CUTC: variants seen among roughly 807,000 people sequenced by gnomAD.
CUTC encodes the protein copper homeostasis protein cutC homolog.
Under a neutral mutation model 36.2 loss-of-function variants are expected in CUTC, and 27 were observed. That is an observed-to-expected ratio of 0.75 (90% confidence interval 0.55 to 1.03). The LOEUF (loss-of-function observed/expected upper bound fraction) is 1.03. Ranked by LOEUF, CUTC falls within the 50% of genes least tolerant of loss-of-function variation. The pLI is 0.00. For synonymous variants in CUTC, 114 were observed against 118.3 expected (o/e 0.96, Z 0.24); for missense variants, 315 against 343.5 (o/e 0.92, Z 0.66).
At chr10:99,754,662 A>G in intron 8 of CUTC, 28 bp downstream of exon 8, 4 of 1,486,084 alleles carry the variant, frequency 2.7e-6, no homozygotes, top group Non-Finnish European at 3.7e-6. Context: ...GATTCAAATA[A>G]GAAGGATGAG....
chr10:99,746,929 G>T (rs2037381654), intron 5 of CUTC, among the ~76,000 whole-genome samples: 1 of 152,090 alleles, frequency 6.6e-6, no homozygotes, highest in Admixed American at 6.5e-5. Context: ...ACACCACCAT[G>T]CCCAGATAAT....
intron 1 of CUTC, among the ~76,000 whole-genome samples, chr10:99,734,607 A>G (rs553731426): frequency 1.3e-5 from 2 of 152,230 alleles, no homozygotes; most frequent in Non-Finnish European, 2.9e-5. Context: ...GTGTCATTAC[A>G]TGAAGTGTGC....
chr10:99,755,983 C>A lies in CUTC; in HGVS notation c.*244C>A. The A allele has an allele frequency of 2.5e-6, 1 of 394,442 alleles. No homozygotes were observed. Among genetic ancestry groups the A allele is most frequent in the South Asian group, 7.2e-5 (1 of 13,974 alleles). The allele number at this position is 394,442 out of a possible 1,614,324, so 24.4% of individuals were successfully genotyped here. The stretch of plus-strand genomic sequence containing the variant: ...GGTTAAAGCTGGTCTGTGCTTCTTC[C>A]ATAGACAGAAGCTTAGTCTGTTTTC... On this transcript the variant is annotated 3_prime_UTR_variant, in exon 9 of 9. Transcript: ENST00000370476.
At chr10:99,742,656 T>A (rs181672955) in intron 3 of CUTC, among the ~76,000 whole-genome samples, 1 of 151,862 alleles carries the variant, frequency 6.6e-6, no homozygotes, top group East Asian at 1.9e-4. Flanking sequence ...CATAGATCTC[T>A]GCATAAAATC....
chr10:99,737,261 T>C (rs534666617), intron 2 of CUTC, among the ~76,000 whole-genome samples: 1 of 151,080 alleles, frequency 6.6e-6, no homozygotes, highest in Non-Finnish European at 1.5e-5. Context: ...CAGCCAGATC[T>C]TGTCTAAAAA....
At chr10:99,755,354 G>A (rs550505464) in intron 8 of CUTC, among the ~76,000 whole-genome samples, 2 of 137,774 alleles carry the variant, frequency 1.5e-5, no homozygotes, top group South Asian at 4.8e-4. Context: ...GCTGGGCGTG[G>A]TGATACATGC....
chr10:99,755,522 C>A, intron 8 of CUTC, 103 bp from the exon 9 acceptor site: 1 of 704,028 alleles, frequency 1.4e-6, no homozygotes, highest in Non-Finnish European at 2.5e-6. Context: ...GTCCAGCATA[C>A]TTGACCTACC....
chr10:99,754,567 G>C lies in CUTC; in HGVS notation c.640G>C (p.Glu214Gln). The C allele has an allele frequency of 6.2e-7, 1 of 1,613,762 alleles. No individual in the cohort carries two copies. Among genetic ancestry groups the C allele is most frequent in the Non-Finnish European group, 8.5e-7 (1 of 1,179,754 alleles). The change falls in exon 8 of 9, where the codon GAG (glutamate) becomes CAG (glutamine). Residue 214 changes from glutamate (E) to glutamine (Q), a missense_variant. Transcript: ENST00000370476. ...AGACAGAAATCTACAAAGGATCCTT[G>C]AGGGTTCAGGTGCTACAGAATTCCA... ...ITDRNLQRIL[E>Q]GSGATEFHCS...
At chr10:99,738,389 GGTGTGTGTGTGTGT>G (rs10693937) in intron 2 of CUTC, among the ~76,000 whole-genome samples, 3 of 142,858 alleles carry the variant, frequency 2.1e-5, no homozygotes, top group South Asian at 4.6e-4. Flanking sequence ...ACTCATACAG[GGTGTGTGTGTGTGT>G]GTGTGTGTGT....
In CUTC at chr10:99,736,303, A is replaced by G. The variant is rs758916437; in HGVS notation, c.119A>G (p.Asn40Ser). 1 of 1,613,480 alleles carries G rather than the reference A, an allele frequency of 6.2e-7. No individual in the cohort carries two copies. Among genetic ancestry groups the G allele is most frequent in the Non-Finnish European group, 8.5e-7 (1 of 1,179,460 alleles). ...VCVDSVESAV[N>S]AERGGADRIE... ...GTTGATTCAGTGGAATCAGCTGTGA[A>G]TGCAGAAAGAGGAGGTAAGAGAAAT... The change falls in exon 2 of 9, where the codon AAT becomes AGT. Residue 40 changes from asparagine (N) to serine (S), a missense_variant. Coordinates refer to ENST00000370476, the MANE Select transcript of CUTC (RefSeq NM_015960.3).
chr10:99,750,594 G>A lies in CUTC; in HGVS notation c.601+198G>A, dbSNP rs377337516. Among the ~76,000 whole-genome samples, 54 of 152,224 alleles carry A rather than the reference G, an allele frequency of 3.5e-4. 1 individual carries two copies. The highest frequency in any genetic ancestry group is 1.2e-3 in the African/African-American group (49 of 41,556). On this transcript the variant is annotated intron_variant, in intron 7 of 8. Transcript: ENST00000370476. ...AGAATTTAAAAGTTTAGATAAGAAG[G>A]AAAATATTGTAATAGGCATTAGCTC...
intron 4 of CUTC, 148 bp downstream of exon 4, chr10:99,743,510 G>T: frequency 1.4e-6 from 1 of 718,426 alleles, no homozygotes; most frequent in African/African-American, 1.8e-5. Flanking sequence ...TAGTTATTTA[G>T]ATGTTTGGGG....
chr10:99,747,444 C>T (rs2037386428), intron 6 of CUTC, 54 bp downstream of exon 6: 1 of 1,605,656 alleles, frequency 6.2e-7, no homozygotes, highest in Non-Finnish European at 8.5e-7. Context: ...TTACTCCTGA[C>T]ATTCTGCTGT....
At chr10:99,743,876 G>C (rs563861130) in intron 4 of CUTC, among the ~76,000 whole-genome samples, 161 bp from the exon 5 acceptor site, 1 of 152,258 alleles carries the variant, frequency 6.6e-6, no homozygotes, top group East Asian at 1.9e-4. Flanking sequence ...GGAAAGATAA[G>C]ACTTTTGAAT....
chr10:99,735,101 C>CAAAAAAAAAA (rs56971127), intron 1 of CUTC, among the ~76,000 whole-genome samples: 2 of 68,768 alleles, frequency 2.9e-5, no homozygotes, highest in Non-Finnish European at 2.5e-5. Flanking sequence ...GACTCTGTAT[C>CAAAAAAAAAA]AAAAAAAAAA....
chr10:99,743,000 C>T (rs1394111740), intron 3 of CUTC, among the ~76,000 whole-genome samples, 153 bp from the exon 4 acceptor site: 1 of 152,152 alleles, frequency 6.6e-6, no homozygotes, highest in African/African-American at 2.4e-5. Context: ...TTCTATTTAA[C>T]CCTTTGCTAT....
At position 99,755,916 on chromosome 10, in the gene CUTC, C is replaced by A; in HGVS notation, c.*177C>A. On this transcript the variant is annotated 3_prime_UTR_variant, in exon 9 of 9. Transcript: ENST00000370476. ...AGAAAAAGAATTTGAAACAGAGATACAGTCACTTCCTTTGCTTAGTCTTAC... is the reference window on the plus strand; with the variant it reads ...AGAAAAAGAATTTGAAACAGAGATAAAGTCACTTCCTTTGCTTAGTCTTAC... The A allele has an allele frequency of 1.8e-6, 1 of 549,600 alleles. No individual in the cohort carries two copies. The highest frequency in any genetic ancestry group is 3.2e-6 in the Non-Finnish European group (1 of 310,426). The allele number at this position is 549,600 out of a possible 1,614,324, so 34.0% of individuals were successfully genotyped here.
chr10:99,744,897 C>T (rs967431706), intron 5 of CUTC, among the ~76,000 whole-genome samples: 5 of 152,146 alleles, frequency 3.3e-5, no homozygotes, highest in South Asian at 2.1e-4. Context: ...GGATTACAGG[C>T]GCCTGCCACC....
intron 8 of CUTC, among the ~76,000 whole-genome samples, 162 bp downstream of exon 8, chr10:99,754,796 G>T (rs750413139): frequency 6.6e-6 from 1 of 152,312 alleles, no homozygotes; most frequent in Admixed American, 6.5e-5. Context: ...TTCTAAAATG[G>T]TTCTTGTCCT....
Sources: gnomAD v4.1 joint callset for allele counts (sites outside exome capture counted in the v4.1 genomes callset) on GRCh38, gnomAD v4.1.1 for gene constraint, MANE v1.5 for transcripts, NCBI Gene and HGNC (gene_info 2026-07-23, HGNC 2026-07-21) for gene names.